CSMD3: variants seen among roughly 807,000 people sequenced by gnomAD.
CSMD3 encodes the protein CUB and sushi domain-containing protein 3.
A neutral mutation model predicts 435.2 loss-of-function variants in CSMD3; 177 were observed. That is an observed-to-expected ratio of 0.41 (90% CI 0.36 to 0.46). The LOEUF (loss-of-function observed/expected upper bound fraction) is 0.46, where lower values mean the gene tolerates loss of function less well. CSMD3 is among the 20% of genes least tolerant of loss of function. The pLI, the probability that CSMD3 is intolerant of heterozygous loss-of-function variation, is 0.34. For synonymous variants in CSMD3, 1,656 were observed against 1,520.5 expected (o/e 1.09, Z -2.07); for missense variants, 4,265 against 4,504.6 (o/e 0.95, Z 1.52).
At chr8:112,281,520 T>G (rs1054241691) in intron 58 of CSMD3, among the ~76,000 whole-genome samples, 170 bp from the exon 59 acceptor site, 21 of 152,200 alleles carry the variant, frequency 1.4e-4, no homozygotes, top group African/African-American at 4.8e-4. Flanking sequence ...TGTATGTTGA[T>G]TTTATTCGCT....
intron 69 of CSMD3, among the ~76,000 whole-genome samples, 160 bp from the exon 70 acceptor site, chr8:112,229,051 T>C (rs546101501): frequency 6.6e-6 from 1 of 152,330 alleles, no homozygotes; most frequent in African/African-American, 2.4e-5. Context: ...ATTTCACATA[T>C]GTTTGCACAG....
At chr8:112,868,002 C>T (rs1564043556) in intron 10 of CSMD3, among the ~76,000 whole-genome samples, 1 of 152,146 alleles carries the variant, frequency 6.6e-6, no homozygotes, top group South Asian at 2.1e-4. Flanking sequence ...ACACATTGCA[C>T]AGCCATACAT....
Position 112,451,077 on chromosome 8 carries a change from C to T in CSMD3, c.5395+21514G>A, listed in dbSNP as rs1563551197. Among the ~76,000 whole-genome samples, 10 of 151,920 alleles carry T rather than the reference C, an allele frequency of 6.6e-5. No homozygotes were observed. In the South Asian group the frequency reaches 2.1e-3, roughly 32 times the overall value. Reference sequence around the variant, plus strand: ...AAAATATTATGGAACTATTAAAAATCATGATGATGAAAAATATTTGATAGC... The same window carrying T: ...AAAATATTATGGAACTATTAAAAATTATGATGATGAAAAATATTTGATAGC... On this transcript the variant is annotated intron_variant, in intron 32 of 70. Transcript: ENST00000297405.
chr8:112,406,449 T>TA (rs1831867490), intron 35 of CSMD3, 75 bp downstream of exon 35: 2 of 875,148 alleles, frequency 2.3e-6, no homozygotes, highest in Admixed American at 2.2e-5. Context: ...ATCTGAAATT[T>TA]AAAAAATTGA....
intron 23 of CSMD3, among the ~76,000 whole-genome samples, chr8:112,578,639 T>C (rs370336084): frequency 6.2e-4 from 95 of 152,124 alleles, no homozygotes; most frequent in African/African-American, 2.1e-3. Flanking sequence ...ATGTGTATAC[T>C]TGTACATAAG....
intron 4 of CSMD3, among the ~76,000 whole-genome samples, chr8:113,117,192 G>GA (rs1264284544): frequency 6.6e-6 from 1 of 152,108 alleles, no homozygotes; most frequent in Admixed American, 6.5e-5. Flanking sequence ...GGGCTAATAG[G>GA]AAAAAAATGG....
At chr8:112,792,394 T>C (rs1032673047) in intron 13 of CSMD3, among the ~76,000 whole-genome samples, 3 of 152,070 alleles carry the variant, frequency 2.0e-5, no homozygotes, top group African/African-American at 4.8e-5. Context: ...TATCCACACA[T>C]GGTGAAGAGA....
intron 36 of CSMD3, among the ~76,000 whole-genome samples, chr8:112,386,646 C>T (rs1318032027): frequency 3.3e-5 from 5 of 151,818 alleles, no homozygotes; most frequent in South Asian, 2.1e-4. Context: ...TACAGGCGCC[C>T]GCCACCACGC....
intron 66 of CSMD3, among the ~76,000 whole-genome samples, chr8:112,237,712 A>G (rs889819667): frequency 2.0e-5 from 3 of 152,170 alleles, no homozygotes; most frequent in African/African-American, 7.2e-5. Context: ...CAGTAAAACT[A>G]TACCCAAGTC....
At chr8:112,859,336 G>T in intron 10 of CSMD3, 70 bp from the exon 11 acceptor site, 2 of 1,280,396 alleles carry the variant, frequency 1.6e-6, no homozygotes, top group Non-Finnish European at 2.3e-6. Flanking sequence ...AAAATATCTT[G>T]CAAATAGACT....
chr8:112,571,482 A>C (rs1177583411), intron 24 of CSMD3, among the ~76,000 whole-genome samples: 1 of 152,064 alleles, frequency 6.6e-6, no homozygotes, highest in East Asian at 1.9e-4. Context: ...AATGGCTACT[A>C]TTTTGCATCA....
Position 112,656,348 on chromosome 8 carries a change from T to A in CSMD3, c.2817-7A>T. ...ATTCAGTTCAGTCTGAAATCTAAGA[T>A]TAAAAGACACATGTGAAAATATATT... On this transcript the variant is annotated splice_region_variant and splice_polypyrimidine_tract_variant and intron_variant, in intron 17 of 70. Coordinates refer to ENST00000297405, the MANE Select transcript of CSMD3 (RefSeq NM_198123.2). The A allele has an allele frequency of 6.2e-7, 1 of 1,602,186 alleles. No individual in the cohort carries two copies. Among genetic ancestry groups the A allele is most frequent in the Non-Finnish European group, 8.5e-7 (1 of 1,169,836 alleles).
At chr8:112,341,291 T>C (rs902894427) in intron 42 of CSMD3, among the ~76,000 whole-genome samples, 186 bp downstream of exon 42, 8 of 151,996 alleles carry the variant, frequency 5.3e-5, no homozygotes, top group Admixed American at 3.3e-4. Context: ...AGAGACATCA[T>C]TCTCCCTGTG....
intron 24 of CSMD3, among the ~76,000 whole-genome samples, chr8:112,566,439 T>C (rs940842958): frequency 6.6e-6 from 1 of 152,080 alleles, no homozygotes; most frequent in Non-Finnish European, 1.5e-5. Context: ...TCTATGTGCC[T>C]TTTAAATAAA....
intron 13 of CSMD3, among the ~76,000 whole-genome samples, chr8:112,706,986 T>A (rs750904626): frequency 1.5e-4 from 23 of 152,072 alleles, no homozygotes; most frequent in South Asian, 8.3e-4. Context: ...GTACCTTGAA[T>A]GAAAGAACAA....
At position 113,358,683 on chromosome 8, in the gene CSMD3, T is replaced by C. The variant is rs148477881; in HGVS notation, c.179-43890A>G. On this transcript the variant is annotated intron_variant, in intron 1 of 70. Transcript: ENST00000297405. ...AAAAGAGAAACTGTTAGAAGGTATG[T>C]AGCAAATTTCTCAATGATTAATGAT... Among the ~76,000 whole-genome samples, 434 of 152,310 alleles carry C rather than the reference T, an allele frequency of 2.8e-3. 2 individuals are homozygous for C. Among genetic ancestry groups the C allele is most frequent in the African/African-American group, 9.7e-3 (403 of 41,562 alleles).
intron 3 of CSMD3, among the ~76,000 whole-genome samples, chr8:113,216,878 G>A (rs1265607939): frequency 6.6e-6 from 1 of 151,778 alleles, no homozygotes; most frequent in Non-Finnish European, 1.5e-5. Context: ...GGTCTTGAGT[G>A]TTTGCATGGG....
chr8:112,488,216 TA>T (rs1167354673), intron 31 of CSMD3, among the ~76,000 whole-genome samples: 4 of 152,204 alleles, frequency 2.6e-5, no homozygotes, highest in African/African-American at 9.6e-5. Flanking sequence ...TAAATCATGG[TA>T]AAAATCTATC....
chr8:113,233,003 A>C (rs1170509474), intron 3 of CSMD3, among the ~76,000 whole-genome samples: 1 of 151,934 alleles, frequency 6.6e-6, no homozygotes, highest in African/African-American at 2.4e-5. Context: ...TAGACTTTGT[A>C]GGCTGAAAAA....
Sources: gnomAD v4.1 joint callset for allele counts (sites outside exome capture counted in the v4.1 genomes callset) on GRCh38, gnomAD v4.1.1 for gene constraint, MANE v1.5 for transcripts, NCBI Gene and HGNC (gene_info 2026-07-23, HGNC 2026-07-21) for gene names.